Variants in CAB39 observed in about 807,000 individuals in gnomAD.
CAB39 encodes calcium binding protein 39, also known as calcium-binding protein 39.
Under a neutral mutation model 40.0 loss-of-function variants are expected in CAB39, and 8 were observed. That is an observed-to-expected ratio of 0.20 (90% CI 0.12 to 0.36). The LOEUF (loss-of-function observed/expected upper bound fraction) is 0.36. Among genes scored for constraint, CAB39 ranks in the 10% least tolerant of loss-of-function variants. The pLI is 1.00. For missense variants in CAB39, 270 were observed against 401.1 expected (o/e 0.67, Z 2.79); for synonymous variants, 156 against 141.6 (o/e 1.10, Z -0.72).
intron 1 of CAB39, among the ~76,000 whole-genome samples, chr2:230,718,354 C>T (rs1261152671): frequency 6.6e-6 from 1 of 152,180 alleles, no homozygotes; most frequent in African/African-American, 2.4e-5. Flanking sequence ...TGTCTCCCTC[C>T]ACAGTAGATT....
At chr2:230,763,103 A>G (rs915606533) in intron 2 of CAB39, among the ~76,000 whole-genome samples, 3 of 152,264 alleles carry the variant, frequency 2.0e-5, no homozygotes, top group African/African-American at 7.2e-5. Context: ...TAATAAACTC[A>G]TTACAAGTTA....
intron 1 of CAB39, among the ~76,000 whole-genome samples, chr2:230,745,899 A>G (rs758009764): frequency 2.0e-5 from 3 of 152,152 alleles, no homozygotes; most frequent in Non-Finnish European, 4.4e-5. Flanking sequence ...TGCTGGGATT[A>G]CAGCATGAGC....
rs553848301 is a variant in CAB39, at chr2:230,791,647, A to T, written c.279+611A>T. Among the ~76,000 whole-genome samples, 46 of 152,276 alleles carry T rather than the reference A, an allele frequency of 3.0e-4. 1 individual carries two copies. Among genetic ancestry groups the T allele is most frequent in the African/African-American group, 1.1e-3 (45 of 41,548 alleles). On this transcript the variant is annotated intron_variant, in intron 3 of 8. Transcript: ENST00000258418. The stretch of plus-strand genomic sequence containing the variant: ...TCCTGCTTGGCCCTTCAGCTAGAGC[A>T]GAGTAGCATCACAGGGCGTCTACAC...
intron 7 of CAB39, among the ~76,000 whole-genome samples, 169 bp from the exon 8 acceptor site, chr2:230,817,585 C>T (rs943264491): frequency 1.3e-5 from 2 of 152,166 alleles, no homozygotes; most frequent in Non-Finnish European, 2.9e-5. Context: ...ATTCAGGTGG[C>T]AGAGAGAAGG....
At chr2:230,751,948 C>T (rs934528173) in intron 1 of CAB39, among the ~76,000 whole-genome samples, 4 of 149,802 alleles carry the variant, frequency 2.7e-5, no homozygotes, top group Admixed American at 2.0e-4. Flanking sequence ...ACAGTATAAC[C>T]GTTTTTTAAA....
At chr2:230,755,852 G>A (rs1255411434) in intron 1 of CAB39, among the ~76,000 whole-genome samples, 3 of 152,330 alleles carry the variant, frequency 2.0e-5, no homozygotes, top group Middle Eastern at 3.4e-3. Flanking sequence ...TTGTTATGGT[G>A]AAATATATCT....
intron 2 of CAB39, among the ~76,000 whole-genome samples, chr2:230,765,713 A>G (rs1405605159): frequency 6.6e-6 from 1 of 152,122 alleles, no homozygotes; most frequent in African/African-American, 2.4e-5. Context: ...AGGAGACATT[A>G]CAGGTTGTAA....
chr2:230,808,739 A>AT (rs1696249402), intron 5 of CAB39, among the ~76,000 whole-genome samples: 2 of 152,204 alleles, frequency 1.3e-5, no homozygotes, highest in Non-Finnish European at 2.9e-5. Flanking sequence ...AATATAACAC[A>AT]TACCCTATCC....
At chr2:230,753,509 C>T (rs767551983) in intron 1 of CAB39, among the ~76,000 whole-genome samples, 2 of 152,134 alleles carry the variant, frequency 1.3e-5, no homozygotes, top group Non-Finnish European at 2.9e-5. Flanking sequence ...AATCCCAGCA[C>T]TTTGGGAGGC....
intron 2 of CAB39, among the ~76,000 whole-genome samples, chr2:230,764,758 A>G (rs1354675137): frequency 6.6e-6 from 1 of 152,222 alleles, no homozygotes; most frequent in Non-Finnish European, 1.5e-5. Context: ...TCAAGTCTGA[A>G]TAGTGTGTCT....
chr2:230,719,639 A>T (rs1694410882), intron 1 of CAB39, among the ~76,000 whole-genome samples: 1 of 152,256 alleles, frequency 6.6e-6, no homozygotes, highest in Admixed American at 6.5e-5. Context: ...TGGGAAACAC[A>T]GAAGCCTGGG....
intron 7 of CAB39, among the ~76,000 whole-genome samples, chr2:230,815,593 G>GC (rs1696386047): frequency 6.6e-6 from 1 of 152,196 alleles, no homozygotes; most frequent in South Asian, 2.1e-4. Context: ...GGAAGCTGGG[G>GC]CCGGGGGTGC....
intron 1 of CAB39, among the ~76,000 whole-genome samples, chr2:230,745,034 GA>G (rs1454881724): frequency 6.6e-6 from 1 of 152,142 alleles, no homozygotes; most frequent in African/African-American, 2.4e-5. Flanking sequence ...TTACTATAAA[GA>G]AAATTTTTAA....
intron 1 of CAB39, among the ~76,000 whole-genome samples, chr2:230,715,458 G>A (rs1422743974): frequency 6.6e-6 from 1 of 152,146 alleles, no homozygotes; most frequent in Non-Finnish European, 1.5e-5. Context: ...GGAGTGAATG[G>A]ACTTTTAAAG....
chr2:230,780,994 A>G (rs918603490), intron 2 of CAB39, among the ~76,000 whole-genome samples: 1 of 151,974 alleles, frequency 6.6e-6, no homozygotes, highest in Admixed American at 6.5e-5. Flanking sequence ...AGGTGGGAGG[A>G]TCACTTGAGC....
chr2:230,747,079 G>A (rs1327425665), intron 1 of CAB39, among the ~76,000 whole-genome samples: 2 of 152,142 alleles, frequency 1.3e-5, no homozygotes, highest in Admixed American at 6.6e-5. Context: ...GAGGCCTGGA[G>A]TGGTAGCTCA....
intron 5 of CAB39, among the ~76,000 whole-genome samples, chr2:230,804,059 C>T (rs1329720648): frequency 6.6e-6 from 1 of 152,124 alleles, no homozygotes. Flanking sequence ...AGATATAGAC[C>T]AATGGAACAG....
chr2:230,796,595 T>G (rs1695991679), intron 4 of CAB39, among the ~76,000 whole-genome samples: 1 of 152,074 alleles, frequency 6.6e-6, no homozygotes, highest in Admixed American at 6.6e-5. Flanking sequence ...TTCCATCAAG[T>G]AAGAGCCGGT....
chr2:230,799,032 G>T, intron 5 of CAB39, 135 bp downstream of exon 5: 1 of 642,078 alleles, frequency 1.6e-6, no homozygotes, highest in Non-Finnish European at 2.6e-6. Context: ...GTATATGTTT[G>T]TGTGATAGAG....
Sources: allele counts gnomAD v4.1 joint callset (sites outside exome capture counted in the v4.1 genomes callset), GRCh38; gene constraint gnomAD v4.1.1; transcripts MANE v1.5; gene names NCBI Gene and HGNC (gene_info 2026-07-23, HGNC 2026-07-21).